The following ODF2L variants were observed in gnomAD, a reference collection of about 807,000 sequenced individuals.
ODF2L encodes outer dense fiber of sperm tails 2 like.
ODF2L carries 76 observed loss-of-function variants against 86.3 expected under a neutral mutation model. That is an observed-to-expected ratio of 0.88 (90% CI 0.73 to 1.07). The LOEUF (loss-of-function observed/expected upper bound fraction) is 1.07, where lower values mean the gene tolerates loss of function less well. Ranked by LOEUF, ODF2L falls within the 50% of genes least tolerant of loss-of-function variation. The probability of loss-of-function intolerance (pLI) is 0.00; values close to 1 mark genes in which losing one functional copy is unlikely to be tolerated. For synonymous variants in ODF2L, 241 were observed against 231.3 expected, an observed-to-expected ratio of 1.04 and a Z score of -0.38; for missense variants, 748 against 717.4, an observed-to-expected ratio of 1.04 and a Z score of -0.49.
At chr1:86,371,874 G>A (rs1226212493) in intron 9 of ODF2L, among the ~76,000 whole-genome samples, 1 of 152,102 alleles carries the variant, frequency 6.6e-6, no homozygotes, top group Non-Finnish European at 1.5e-5. Flanking sequence ...AATATTGAAT[G>A]ATAATCTACA....
chr1:86,382,413 C>A, intron 6 of ODF2L, 55 bp from the exon 7 acceptor site: 4 of 1,595,534 alleles, frequency 2.5e-6, no homozygotes, highest in South Asian at 1.1e-5. Flanking sequence ...GCTGTATCCC[C>A]AGCCCAATAT....
intron 16 of ODF2L, among the ~76,000 whole-genome samples, chr1:86,354,284 A>G (rs891952590): frequency 6.6e-6 from 1 of 152,200 alleles, no homozygotes; most frequent in Admixed American, 6.5e-5. Context: ...GGAGGAGATT[A>G]TGTCTTCAAA....
chr1:86,373,817 T>C lies in ODF2L; in HGVS notation c.811-1277A>G, dbSNP rs780365453. Among the ~76,000 whole-genome samples, 7 of 152,286 alleles carry C rather than the reference T, an allele frequency of 4.6e-5. No homozygotes were observed. The East Asian group carries it at 5.8e-4, about 13-fold the overall frequency. On this transcript the variant is annotated intron_variant, in intron 8 of 17. Transcript: ENST00000317336. Reference sequence around the variant, plus strand: ...CATCAGCCTTCAAACACTGCTACCGTCCACACAGAGATACAAGTGGTAGTA... The same window carrying C: ...CATCAGCCTTCAAACACTGCTACCGCCCACACAGAGATACAAGTGGTAGTA...
intron 7 of ODF2L, among the ~76,000 whole-genome samples, chr1:86,378,537 G>A (rs991826523): frequency 6.6e-6 from 1 of 152,196 alleles, no homozygotes. Flanking sequence ...CTGAGACTGG[G>A]TGATTTACAA....
At chr1:86,346,871 A>G (rs1300110250), downstream of ODF2L, 1 of 152,262 alleles carries the variant, frequency 6.6e-6, no homozygotes, top group East Asian at 1.9e-4. Flanking sequence ...TTTATTTATG[A>G]AATGGATACA....
At position 86,356,603 on chromosome 1, in the gene ODF2L, C is replaced by T; in HGVS notation, c.1360-1G>A. 1 of 1,611,910 alleles carries T rather than the reference C, an allele frequency of 6.2e-7. No individual in the cohort carries two copies. The highest frequency in any genetic ancestry group is 8.5e-7 in the Non-Finnish European group (1 of 1,178,764). On this transcript the variant is annotated splice_acceptor_variant, in intron 13 of 17. Coordinates refer to ENST00000317336, the Ensembl canonical transcript of ODF2L. LOFTEE classifies it high-confidence loss of function. ...GATGAGACTCCATCTGGCCTCTCAT[C>T]TGAGTTGTGGCAGTAGGGAAATAAG...
At chr1:86,358,293 A>G (rs1658746153) in intron 13 of ODF2L, 1 of 153,514 alleles carries the variant, frequency 6.5e-6, no homozygotes, top group African/African-American at 2.4e-5. Flanking sequence ...TCACAAAAAC[A>G]TCATAACTCG....
chr1:86,379,733 T>G (rs272513), intron 7 of ODF2L, among the ~76,000 whole-genome samples: 3,561 of 152,310 alleles, frequency 0.023, 71 homozygotes, highest in Non-Finnish European at 0.027. Context: ...AAATACTGCT[T>G]TATCCAATAA....
intron 13 of ODF2L, among the ~76,000 whole-genome samples, chr1:86,357,077 T>A (rs942230897): frequency 1.7e-4 from 26 of 152,242 alleles, no homozygotes; most frequent in African/African-American, 6.3e-4. Flanking sequence ...CTGTATATTA[T>A]TTAAAAATTG....
At chr1:86,364,195 T>C (rs1434425224) in intron 11 of ODF2L, among the ~76,000 whole-genome samples, 1 of 152,178 alleles carries the variant, frequency 6.6e-6, no homozygotes, top group Non-Finnish European at 1.5e-5. Flanking sequence ...CTCTGAAGGA[T>C]TTCAAGAAAA....
chr1:86,379,289 T>C (rs771135717), intron 7 of ODF2L, among the ~76,000 whole-genome samples: 1 of 152,176 alleles, frequency 6.6e-6, no homozygotes, highest in Non-Finnish European at 1.5e-5. Context: ...CTCTACACAT[T>C]GGGGACCAAT....
chr1:86,365,079 G>A (rs997210247), intron 11 of ODF2L, among the ~76,000 whole-genome samples: 5 of 152,124 alleles, frequency 3.3e-5, no homozygotes, highest in African/African-American at 9.7e-5. Flanking sequence ...ATTGTGTCTA[G>A]TATTTTTTCC....
Position 86,360,716 on chromosome 1 carries a change from A to G in ODF2L, c.1144-180T>C, listed in dbSNP as rs1316039435. The G allele has an allele frequency of 2.5e-5, 10 of 404,672 alleles. No individual in the cohort carries two copies. The East Asian group carries it at 3.1e-4, about 13-fold the overall frequency. 25.1% of individuals were successfully genotyped at this position (404,672 alleles called of 1,614,324 possible). A position where few individuals can be genotyped will look rare whatever the true frequency, so the allele number is the denominator to read the frequency against. ...CAAAGCTAGTGACTAATAATTATGAACATCCTTATTAAGATTTACACAGGA... is the reference window on the plus strand; with the variant it reads ...CAAAGCTAGTGACTAATAATTATGAGCATCCTTATTAAGATTTACACAGGA... On this transcript the variant is annotated intron_variant, in intron 11 of 17. Transcript: ENST00000317336.
rs755006824 is a variant in ODF2L, at chr1:86,376,427, A to C, written c.625-9T>G. The stretch of plus-strand genomic sequence containing the variant: ...ATCTTGGTTTCTAAGCTCTAAAAAA[A>C]AAATTAGCAACAATTAAATTATTTC... On this transcript the variant is annotated splice_polypyrimidine_tract_variant and intron_variant, in intron 7 of 17. Transcript: ENST00000317336. 9.1e-6 allele frequency: 14 copies of C among 1,545,384 alleles called. No individual in the cohort carries two copies. In the Admixed American group the frequency reaches 1.0e-4, roughly 11 times the overall value.
At chr1:86,364,111 T>C (rs957452717) in intron 11 of ODF2L, among the ~76,000 whole-genome samples, 1 of 152,212 alleles carries the variant, frequency 6.6e-6, no homozygotes, top group Non-Finnish European at 1.5e-5. Flanking sequence ...TTATGACTTT[T>C]ATAGTCTATA....
chr1:86,361,985 A>C (rs1659070021), intron 11 of ODF2L, among the ~76,000 whole-genome samples: 1 of 152,228 alleles, frequency 6.6e-6, no homozygotes, highest in Non-Finnish European at 1.5e-5. Flanking sequence ...TAGGAATGAC[A>C]TGTGGGCGAA....
At chr1:86,366,924 A>C (rs2100965637) in intron 11 of ODF2L, among the ~76,000 whole-genome samples, 1 of 152,254 alleles carries the variant, frequency 6.6e-6, no homozygotes. Context: ...GCATTACCAA[A>C]GAAATAATAT....
intron 1 of ODF2L, among the ~76,000 whole-genome samples, chr1:86,395,385 C>T (rs1330526233): frequency 3.9e-5 from 6 of 152,142 alleles, no homozygotes; most frequent in Admixed American, 1.3e-4. Flanking sequence ...GTATTACAAC[C>T]ACCCCAAAGT....
intron 7 of ODF2L, among the ~76,000 whole-genome samples, chr1:86,380,659 C>T (rs140307120): frequency 6.3e-4 from 96 of 152,128 alleles, no homozygotes; most frequent in Admixed American, 9.2e-4. Context: ...CTCTCATTTG[C>T]CAAATGAATG....
Sources: allele counts gnomAD v4.1 joint callset (sites outside exome capture counted in the v4.1 genomes callset), GRCh38; gene constraint gnomAD v4.1.1; transcripts MANE v1.5; gene names NCBI Gene and HGNC (gene_info 2026-07-23, HGNC 2026-07-21).